Variants in EML4 observed in about 807,000 individuals in gnomAD.
EML4 encodes the protein EMAP like 4.
In EML4, 72 loss-of-function variants were observed where a neutral mutation model predicts 129.0. That is an observed-to-expected ratio of 0.56 (90% CI 0.46 to 0.68). The LOEUF is 0.68. Ranked by LOEUF, EML4 falls within the 30% of genes least tolerant of loss-of-function variation. EML4 has a pLI of 0.00. For synonymous variants in EML4, 532 were observed against 405.0 expected (o/e 1.31, Z -3.77); for missense variants, 1,363 against 1,190.6 (o/e 1.14, Z -2.13).
At chr2:42,235,768 AG>A (rs1674636423) in intron 1 of EML4, among the ~76,000 whole-genome samples, 1 of 151,922 alleles carries the variant, frequency 6.6e-6, no homozygotes, top group Non-Finnish European at 1.5e-5. Flanking sequence ...TCATACTATT[AG>A]GCCTCAAAAC....
chr2:42,283,415 C>T (rs1667122660), intron 8 of EML4, among the ~76,000 whole-genome samples: 2 of 152,050 alleles, frequency 1.3e-5, no homozygotes, highest in Admixed American at 6.6e-5. Context: ...CATAAGTATG[C>T]CGTAGGATGT....
chr2:42,217,933 G>T (rs1401068852), intron 1 of EML4, among the ~76,000 whole-genome samples: 2 of 152,154 alleles, frequency 1.3e-5, no homozygotes, highest in Non-Finnish European at 2.9e-5. Flanking sequence ...GTACTGGATT[G>T]ATCCTGTGAT....
intron 6 of EML4, among the ~76,000 whole-genome samples, chr2:42,273,639 A>G (rs1386356850): frequency 1.3e-5 from 2 of 152,020 alleles, no homozygotes; most frequent in South Asian, 2.1e-4. Context: ...TTATCAGCCA[A>G]TAGAAGAAAA....
intron 2 of EML4, among the ~76,000 whole-genome samples, chr2:42,251,614 A>G (rs969087109): frequency 6.6e-6 from 1 of 152,236 alleles, no homozygotes; most frequent in African/African-American, 2.4e-5. Flanking sequence ...AGACTGAAGC[A>G]AGAGTAATCA....
intron 1 of EML4, among the ~76,000 whole-genome samples, chr2:42,191,714 T>C (rs549907199): frequency 6.6e-6 from 1 of 152,366 alleles, no homozygotes; most frequent in East Asian, 1.9e-4. Context: ...TGCTCAGTTC[T>C]CTTTGCCGTT....
intron 1 of EML4, among the ~76,000 whole-genome samples, chr2:42,187,198 C>T (rs564130061): frequency 1.6e-4 from 25 of 151,904 alleles, no homozygotes; most frequent in Admixed American, 5.9e-4. Context: ...CACACACCAC[C>T]GTGCCCGGCT....
intron 1 of EML4, among the ~76,000 whole-genome samples, chr2:42,178,393 C>A (rs1267364510): frequency 2.7e-5 from 4 of 149,202 alleles, no homozygotes; most frequent in Non-Finnish European, 5.9e-5. Flanking sequence ...AAAAAAAAAA[C>A]AAACAAAAAT....
chr2:42,303,757 C>G (rs1668436644), intron 16 of EML4, among the ~76,000 whole-genome samples: 1 of 152,052 alleles, frequency 6.6e-6, no homozygotes, highest in African/African-American at 2.4e-5. Context: ...AGCCCTGTCT[C>G]TAGTAAAAAT....
chr2:42,229,560 G>A (rs976427699), intron 1 of EML4, among the ~76,000 whole-genome samples: 4 of 152,068 alleles, frequency 2.6e-5, no homozygotes, highest in African/African-American at 9.7e-5. Context: ...CATTCACCAC[G>A]AGAGAGAAAA....
chr2:42,186,669 A>G (rs1170372438), intron 1 of EML4, among the ~76,000 whole-genome samples: 2 of 152,178 alleles, frequency 1.3e-5, no homozygotes, highest in Non-Finnish European at 2.9e-5. Flanking sequence ...CATTTTCATT[A>G]TCAAATGCAT....
intron 1 of EML4, among the ~76,000 whole-genome samples, chr2:42,232,366 C>A (rs1674401996): frequency 6.6e-6 from 1 of 152,154 alleles, no homozygotes; most frequent in Non-Finnish European, 1.5e-5. Context: ...ACCTTAGGAA[C>A]CTCTAAGCAA....
intron 14 of EML4, among the ~76,000 whole-genome samples, chr2:42,301,962 G>C (rs376537895): frequency 2.0e-5 from 3 of 151,764 alleles, no homozygotes; most frequent in Admixed American, 6.6e-5. Flanking sequence ...TGTAAATTTG[G>C]ATTCCTCTTA....
intron 21 of EML4, among the ~76,000 whole-genome samples, chr2:42,326,496 T>A (rs560256124): frequency 6.6e-6 from 1 of 152,336 alleles, no homozygotes; most frequent in East Asian, 1.9e-4. Flanking sequence ...ACAGATTACC[T>A]TCCCGTTTTT....
chr2:42,254,328 G>C (rs1232364964), intron 2 of EML4, among the ~76,000 whole-genome samples: 1 of 151,980 alleles, frequency 6.6e-6, no homozygotes, highest in Admixed American at 6.6e-5. Context: ...ACGGTGGTGT[G>C]CACCTGTAGT....
chr2:42,251,564 T>C (rs1675769299), intron 2 of EML4, among the ~76,000 whole-genome samples: 1 of 152,158 alleles, frequency 6.6e-6, no homozygotes, highest in African/African-American at 2.4e-5. Flanking sequence ...ATGGAGAAGA[T>C]AGAATTTGAT....
chr2:42,283,948 A>G (rs1021477331), intron 8 of EML4, among the ~76,000 whole-genome samples: 1 of 152,204 alleles, frequency 6.6e-6, no homozygotes, highest in South Asian at 2.1e-4. Flanking sequence ...TTCACAGTGT[A>G]CAACCGTTGT....
chr2:42,271,563 C>T (rs1237385642), intron 6 of EML4, among the ~76,000 whole-genome samples: 1 of 152,188 alleles, frequency 6.6e-6, no homozygotes, highest in African/African-American at 2.4e-5. Flanking sequence ...CATCCTCTTT[C>T]CTTATTTTCA....
chr2:42,248,248 C>T (rs1675539453), intron 2 of EML4, among the ~76,000 whole-genome samples: 1 of 151,872 alleles, frequency 6.6e-6, no homozygotes, highest in East Asian at 1.9e-4. Context: ...TTTTAATATG[C>T]TGAAAAAACA....
intron 17 of EML4, among the ~76,000 whole-genome samples, chr2:42,312,674 C>G (rs1164766607): frequency 6.6e-6 from 1 of 152,004 alleles, no homozygotes; most frequent in African/African-American, 2.4e-5. Flanking sequence ...CTGCCTCAGC[C>G]TCCCAAGTAG....
Sources: gnomAD v4.1 joint callset for allele counts (sites outside exome capture counted in the v4.1 genomes callset) on GRCh38, gnomAD v4.1.1 for gene constraint, MANE v1.5 for transcripts, NCBI Gene and HGNC (gene_info 2026-07-23, HGNC 2026-07-21) for gene names.